Variants in NR6A1 observed in about 807,000 individuals in gnomAD.
The protein encoded by NR6A1 is retinoic acid receptor-related testis-associated receptor.
Under a neutral mutation model 59.1 loss-of-function variants are expected in NR6A1, and 7 were observed. That is an observed-to-expected ratio of 0.12 (90% CI 0.07 to 0.22). The LOEUF (loss-of-function observed/expected upper bound fraction) is 0.22. Ranked by LOEUF, NR6A1 falls within the 10% of genes least tolerant of loss-of-function variation. NR6A1 has a pLI of 1.00. For synonymous variants in NR6A1, 243 were observed against 236.1 expected (o/e 1.03, Z -0.27); for missense variants, 468 against 611.6 (o/e 0.77, Z 2.48).
intron 2 of NR6A1, among the ~76,000 whole-genome samples, chr9:124,626,700 C>T (rs574703988): frequency 6.6e-6 from 1 of 152,246 alleles, no homozygotes; most frequent in Admixed American, 6.5e-5. Flanking sequence ...CTTTGGGAGG[C>T]CGAGGTGGGT....
intron 2 of NR6A1, among the ~76,000 whole-genome samples, chr9:124,733,095 A>G (rs1231162342): frequency 6.6e-6 from 1 of 152,210 alleles, no homozygotes; most frequent in Non-Finnish European, 1.5e-5. Context: ...CCAACTTTCT[A>G]TTAAACAGAT....
At chr9:124,711,418 TCTC>T (rs1266054890) in intron 2 of NR6A1, among the ~76,000 whole-genome samples, 3 of 151,132 alleles carry the variant, frequency 2.0e-5, no homozygotes, top group Non-Finnish European at 2.9e-5. Flanking sequence ...GAAAATCTGT[TCTC>T]CTATTTCCAT....
intron 2 of NR6A1, among the ~76,000 whole-genome samples, chr9:124,606,481 A>G (rs1835577580): frequency 1.3e-5 from 2 of 152,184 alleles, no homozygotes; most frequent in Admixed American, 1.3e-4. Context: ...GGCTTCCAAG[A>G]AATCCATAAT....
chr9:124,557,824 T>C (rs1210650465), intron 2 of NR6A1, among the ~76,000 whole-genome samples: 1 of 152,216 alleles, frequency 6.6e-6, no homozygotes. Flanking sequence ...AGTGTTCTTT[T>C]AGATATGACT....
intron 3 of NR6A1, among the ~76,000 whole-genome samples, chr9:124,544,927 A>C (rs1375827363): frequency 3.9e-5 from 6 of 152,198 alleles, no homozygotes; most frequent in Non-Finnish European, 8.8e-5. Flanking sequence ...GGAAGGGGTT[A>C]ATGTTAACAA....
At chr9:124,729,011 T>A (rs189880464) in intron 2 of NR6A1, among the ~76,000 whole-genome samples, 1 of 152,340 alleles carries the variant, frequency 6.6e-6, no homozygotes, top group Admixed American at 6.5e-5. Context: ...ACTTGAGCCA[T>A]AAAACACATT....
At chr9:124,588,427 C>T (rs1323090195) in intron 2 of NR6A1, among the ~76,000 whole-genome samples, 1 of 151,856 alleles carries the variant, frequency 6.6e-6, no homozygotes, top group Non-Finnish European at 1.5e-5. Context: ...CCTGCCTCAG[C>T]CTCCCGAGTA....
chr9:124,653,274 CTTTT>C (rs749050119), intron 2 of NR6A1, among the ~76,000 whole-genome samples: 15 of 143,478 alleles, frequency 1.0e-4, no homozygotes, highest in Admixed American at 8.5e-4. Context: ...TTGCAAGTAA[CTTTT>C]TTTTTTTTTT....
intron 2 of NR6A1, among the ~76,000 whole-genome samples, chr9:124,625,959 T>C (rs1836230754): frequency 6.6e-6 from 1 of 152,186 alleles, no homozygotes; most frequent in Admixed American, 6.5e-5. Context: ...GCAGCATGGC[T>C]TTCTTGGGTC....
intron 2 of NR6A1, among the ~76,000 whole-genome samples, chr9:124,646,623 A>C (rs1451188705): frequency 1.3e-5 from 2 of 152,240 alleles, no homozygotes; most frequent in African/African-American, 4.8e-5. Flanking sequence ...TAGGCCACAC[A>C]TAAAATACCT....
chr9:124,589,742 A>AT (rs1206262837), intron 2 of NR6A1, among the ~76,000 whole-genome samples: 2 of 152,192 alleles, frequency 1.3e-5, no homozygotes, highest in Non-Finnish European at 2.9e-5. Flanking sequence ...CTGATACTTA[A>AT]TAAGTTATCC....
intron 2 of NR6A1, among the ~76,000 whole-genome samples, chr9:124,557,164 T>A (rs972151773): frequency 2.6e-5 from 4 of 152,174 alleles, no homozygotes; most frequent in African/African-American, 9.7e-5. Context: ...GATCTCACTC[T>A]GTAGCCCAGG....
intron 2 of NR6A1, 88 bp downstream of exon 2, chr9:124,733,220 T>C (rs1384539716): frequency 4.2e-6 from 4 of 946,064 alleles, no homozygotes; most frequent in Non-Finnish European, 6.8e-6. Flanking sequence ...AAGTAAGGCT[T>C]ATCAATGACA....
In NR6A1 at chr9:124,540,066, T is replaced by A; in HGVS notation, c.563A>T (p.Asn188Ile). The change falls in exon 5 of 10, where the codon AAC (asparagine) becomes ATC (isoleucine). Residue 188 changes from asparagine to isoleucine, a missense_variant. This residue lies in a region of NR6A1 where 151 missense variants were observed against 142.8 expected (regional missense o/e 1.06). Coordinates refer to ENST00000487099, the MANE Select transcript of NR6A1 (RefSeq NM_033334.4). The stretch of plus-strand genomic sequence containing the variant: ...CAGTGTGGAGCCTGGTGAGGGCTGG[T>A]TGCTCTCCGAAGCCCTGTTCCCAGG... ...SSPGNRASES[N>I]QPSPGSTLSS... The A allele has an allele frequency of 6.2e-7, 1 of 1,607,144 alleles. No homozygotes were observed.
chr9:124,644,810 G>A (rs1251470304), intron 2 of NR6A1, among the ~76,000 whole-genome samples: 1 of 152,126 alleles, frequency 6.6e-6, no homozygotes, highest in African/African-American at 2.4e-5. Context: ...GACCCTCCAA[G>A]CACTAGCCAA....
intron 2 of NR6A1, among the ~76,000 whole-genome samples, chr9:124,731,816 ATTATG>A (rs1283972475): frequency 6.6e-6 from 1 of 152,210 alleles, no homozygotes; most frequent in African/African-American, 2.4e-5. Flanking sequence ...TAATCTACTG[ATTATG>A]TTATCGGCCA....
intron 2 of NR6A1, chr9:124,693,680 GGGCAAA>G: frequency 1.9e-6 from 1 of 533,074 alleles, no homozygotes; most frequent in Non-Finnish European, 3.9e-6. Context: ...CAGCCAGGGA[GGGCAAA>G]GGCAACCCCA....
chr9:124,735,337 G>A (rs1189406828), intron 1 of NR6A1, among the ~76,000 whole-genome samples: 1 of 152,158 alleles, frequency 6.6e-6, no homozygotes, highest in Admixed American at 6.5e-5. Context: ...AAACAATAAA[G>A]GAATAGTTTA....
chr9:124,657,748 C>CT lies in NR6A1; in HGVS notation c.142+75559_142+75560insA, dbSNP rs201441452. 5.5e-3 allele frequency among the ~76,000 whole-genome samples: 838 copies of CT among 152,150 alleles called. 7 individuals are homozygous for CT. The highest frequency in any genetic ancestry group is 0.019 in the African/African-American group (796 of 41,490). On this transcript the variant is annotated intron_variant, in intron 2 of 9. Coordinates refer to ENST00000487099, the MANE Select transcript of NR6A1 (RefSeq NM_033334.4). ...GTCCATGCTTTCATAGCTTCCCCCC[C>CT]CCAGCAACCCCTAATGTGACTAGGA...
Sources: allele counts gnomAD v4.1 joint callset (sites outside exome capture counted in the v4.1 genomes callset), GRCh38; gene constraint gnomAD v4.1.1; regional missense constraint gnomAD v4.1.1; transcripts MANE v1.5; gene names NCBI Gene and HGNC (gene_info 2026-07-23, HGNC 2026-07-21).